VSIG1: variants seen among roughly 807,000 people sequenced by gnomAD.
The protein encoded by VSIG1 is V-set and immunoglobulin domain containing 1.
Under a neutral mutation model 20.1 loss-of-function variants are expected in VSIG1, and 11 were observed. That is an observed-to-expected ratio of 0.55 (90% CI 0.34 to 0.91). The LOEUF is 0.91. Among genes scored for constraint, VSIG1 ranks in the 40% least tolerant of loss-of-function variants. VSIG1 has a pLI of 0.02. For missense variants in VSIG1, 283 were observed against 298.8 expected (o/e 0.95, Z 0.39); for synonymous variants, 126 against 116.7 (o/e 1.08, Z -0.52).
chrX:108,024,113 A>G, the VSIG1 span, among the ~76,000 whole-genome samples: 1 of 112,135 alleles, frequency 8.9e-6, no homozygotes, highest in East Asian at 2.8e-4. Context: ...AAACATAGTT[A>G]GAACACTGAC....
chrX:108,052,305 A>G (rs1309258445), intron 1 of VSIG1, among the ~76,000 whole-genome samples: 5 of 111,758 alleles, frequency 4.5e-5, no homozygotes, highest in Admixed American at 3.8e-4. Flanking sequence ...AAAACGAAAC[A>G]AAAGATAGGT....
chrX:108,076,937 C>G, intron 6 of VSIG1, 111 bp from the exon 7 acceptor site: 1 of 756,806 alleles, frequency 1.3e-6, no homozygotes, highest in Non-Finnish European at 1.9e-6. Flanking sequence ...TAACAGATTT[C>G]CTGAAGTCTG....
intron 5 of VSIG1, chrX:108,073,844 T>G (rs1303749257): frequency 8.9e-6 from 1 of 112,058 alleles, no homozygotes; most frequent in East Asian, 2.8e-4. Context: ...TATCTCACTC[T>G]TTCCTCCCAA....
intron 3 of VSIG1, among the ~76,000 whole-genome samples, chrX:108,071,021 T>C (rs1188977225): frequency 9.0e-6 from 1 of 111,634 alleles, no homozygotes; most frequent in Non-Finnish European, 1.9e-5. Flanking sequence ...TATTTAATAC[T>C]TGGATCAGCC....
intron 3 of VSIG1, among the ~76,000 whole-genome samples, 171 bp from the exon 4 acceptor site, chrX:108,072,506 G>T (rs751751338): frequency 2.7e-5 from 3 of 111,659 alleles, no homozygotes; most frequent in African/African-American, 9.8e-5. Flanking sequence ...ACCTACCTCG[G>T]CCTTCCAAAT....
In VSIG1 at chrX:108,047,947, T is replaced by TACACACAC. The variant is rs1569287363; in HGVS notation, c.49+2769_49+2770insCACACACA. On this transcript the variant is annotated intron_variant, in intron 1 of 6. Transcript: ENST00000217957. ...ATATATATATATACACATATATATA[T>TACACACAC]ATATATACACACACATATATATATA... 5.8e-5 allele frequency among the ~76,000 whole-genome samples: 2 copies of TACACACAC among 34,230 alleles called. 1 individual carries two copies. The highest frequency in any genetic ancestry group is 8.8e-5 in the Non-Finnish European group (2 of 22,605). 29.7% of individuals were successfully genotyped at this position (34,230 alleles called of 115,157 possible).
At chrX:108,062,639 G>C (rs1345914976) in intron 2 of VSIG1, among the ~76,000 whole-genome samples, 2 of 112,271 alleles carry the variant, frequency 1.8e-5, no homozygotes, top group East Asian at 5.6e-4. Context: ...GTTGGTAAGA[G>C]AGTTGGTTTG....
chrX:108,050,375 C>G (rs770373433), intron 1 of VSIG1, among the ~76,000 whole-genome samples: 106 of 111,803 alleles, frequency 9.5e-4, no homozygotes, highest in African/African-American at 3.1e-3. Flanking sequence ...CCTCCAACAC[C>G]CTCTGTTACC....
intron 2 of VSIG1, among the ~76,000 whole-genome samples, chrX:108,059,373 G>A (rs763952256): frequency 6.3e-5 from 7 of 111,374 alleles, no homozygotes; most frequent in South Asian, 3.8e-4. Flanking sequence ...AGGAAATGCC[G>A]TACAGGGGGA....
At chrX:108,050,447 T>C (rs1298172454) in intron 1 of VSIG1, among the ~76,000 whole-genome samples, 2 of 112,045 alleles carry the variant, frequency 1.8e-5, no homozygotes, top group Non-Finnish European at 3.8e-5. Context: ...TTCCAGTGCT[T>C]GCCTGCCAAT....
At chrX:108,057,538 C>T (rs901648607) in intron 1 of VSIG1, among the ~76,000 whole-genome samples, 10 of 111,859 alleles carry the variant, frequency 8.9e-5, no homozygotes, top group African/African-American at 3.2e-4. Flanking sequence ...TGTCTTATTT[C>T]CTAGAACTGC....
chrX:108,070,253 C>T (rs777210027), intron 3 of VSIG1, among the ~76,000 whole-genome samples: 23 of 110,117 alleles, frequency 2.1e-4, no homozygotes, highest in Admixed American at 1.9e-3. Context: ...TGAGCCTTTT[C>T]CTCCCACCCC....
chrX:108,056,594 C>A (rs1234484126), intron 1 of VSIG1, among the ~76,000 whole-genome samples: 1 of 112,428 alleles, frequency 8.9e-6, no homozygotes, highest in Non-Finnish European at 1.9e-5. Flanking sequence ...AGATATTTTG[C>A]TGAAGATGTA....
chrX:108,047,971 T>TATATACACAC (rs2030687827), intron 1 of VSIG1, among the ~76,000 whole-genome samples: 2 of 57,729 alleles, frequency 3.5e-5, no homozygotes, highest in Admixed American at 2.0e-4. Context: ...CATATATATA[T>TATATACACAC]ATATATATAT....
intron 1 of VSIG1, among the ~76,000 whole-genome samples, chrX:108,053,800 T>C (rs1346157080): frequency 9.0e-6 from 1 of 111,629 alleles, no homozygotes; most frequent in African/African-American, 3.2e-5. Context: ...TTTACTCCAG[T>C]ACATTGGTAT....
Position 108,076,112 on chromosome X carries a change from G to A in VSIG1, c.724G>A (p.Gly242Ser), listed in dbSNP as rs1033062113. Reference protein sequence around the residue: ...EVGIIVGALIGSLVGAAIIIS... With the variant: ...EVGIIVGALISSLVGAAIIIS... ...TGGAATCATTGTTGGGGCCTTGATT[G>A]GTAGCCTGGTAGGTGCCGCCATCAT... Residue 242 changes from glycine to serine, a missense_variant, in exon 6 of 7, where the codon GGT (glycine) becomes AGT (serine). Transcript: ENST00000217957. The A allele has an allele frequency of 7.4e-6, 9 of 1,209,566 alleles. No individual in the cohort carries two copies. Among genetic ancestry groups the A allele is most frequent in the Non-Finnish European group, 8.9e-6 (8 of 894,870 alleles).
At chrX:108,072,371 C>T (rs1275109896) in intron 3 of VSIG1, among the ~76,000 whole-genome samples, 1 of 110,814 alleles carries the variant, frequency 9.0e-6, no homozygotes, top group Non-Finnish European at 1.9e-5. Context: ...TACTGCCTCA[C>T]CCTCCCAAGT....
At chrX:108,021,018 T>C in the VSIG1 span, among the ~76,000 whole-genome samples, 1 of 111,994 alleles carries the variant, frequency 8.9e-6, no homozygotes, top group Non-Finnish European at 1.9e-5. Flanking sequence ...TATTCCTCTC[T>C]TCAGGTACTC....
chrX:108,029,227 T>C, the VSIG1 span, among the ~76,000 whole-genome samples: 199 of 112,388 alleles, frequency 1.8e-3, 1 homozygote, highest in African/African-American at 5.9e-3. Flanking sequence ...TTGCTAAATC[T>C]AACAACTCTA....
Sources: allele counts gnomAD v4.1 joint callset (sites outside exome capture counted in the v4.1 genomes callset), GRCh38; gene constraint gnomAD v4.1.1; transcripts MANE v1.5; gene names NCBI Gene and HGNC (gene_info 2026-07-23, HGNC 2026-07-21).